The following UBR1 variants were observed in gnomAD, a reference collection of about 807,000 sequenced individuals.
UBR1 encodes the protein ubiquitin protein ligase E3 component n-recognin 1.
In UBR1, 102 loss-of-function variants were observed where a neutral mutation model predicts 242.1. That is an observed-to-expected ratio of 0.42 (90% CI 0.36 to 0.50). The LOEUF (loss-of-function observed/expected upper bound fraction) is 0.50. Ranked by LOEUF, UBR1 falls within the 20% of genes least tolerant of loss-of-function variation. The probability of loss-of-function intolerance (pLI) is 0.01; values close to 1 mark genes in which losing one functional copy is unlikely to be tolerated. For missense variants in UBR1, 1,772 were observed against 2,101.8 expected (o/e 0.84, Z 3.07); for synonymous variants, 675 against 684.8 (o/e 0.99, Z 0.22).
intron 40 of UBR1, among the ~76,000 whole-genome samples, chr15:42,967,384 A>G (rs1375486139): frequency 2.0e-5 from 3 of 151,426 alleles, no homozygotes; most frequent in Admixed American, 6.6e-5. Context: ...ATATTCTTCA[A>G]CATAAAAGTT....
At chr15:42,995,567 T>A (rs1567119000) in intron 33 of UBR1, among the ~76,000 whole-genome samples, 1 of 150,380 alleles carries the variant, frequency 6.6e-6, no homozygotes, top group East Asian at 1.9e-4. Context: ...ACTCGAGAGG[T>A]TGAGGCAGGA....
In UBR1 at chr15:42,998,132, C is replaced by T. The variant is rs781240049; in HGVS notation, c.3757+36G>A. 6.5e-6 allele frequency: 10 copies of T among 1,544,424 alleles called. No individual in the cohort carries two copies. The East Asian group carries it at 2.3e-4, about 35-fold the overall frequency. On this transcript the variant is annotated intron_variant, in intron 33 of 46. Transcript: ENST00000290650. ...AAAAAAATAAAGATTCTGACACCATCTTCACATAGCTAATATAAAATAAAT... is the reference window on the plus strand; with the variant it reads ...AAAAAAATAAAGATTCTGACACCATTTTCACATAGCTAATATAAAATAAAT...
chr15:43,067,354 T>C lies in UBR1; in HGVS notation c.798+544A>G, dbSNP rs1003557745. Among the ~76,000 whole-genome samples the C allele has an allele frequency of 7.2e-5, 11 of 152,276 alleles. No homozygotes were observed. In the South Asian group the frequency reaches 2.3e-3, roughly 32 times the overall value. On this transcript the variant is annotated intron_variant, in intron 6 of 46. Transcript: ENST00000290650. The stretch of plus-strand genomic sequence containing the variant: ...AACCATGCGGTTTTTAAAAAGTACA[T>C]TAAAAATGAAAAAATTAAATGACGA...
intron 6 of UBR1, among the ~76,000 whole-genome samples, chr15:43,061,835 A>G (rs1298643105): frequency 6.6e-6 from 1 of 152,128 alleles, no homozygotes; most frequent in African/African-American, 2.4e-5. Context: ...AAGAGGGATA[A>G]AAGACTACAA....
At chr15:42,967,695 G>A (rs2032131536) in intron 40 of UBR1, among the ~76,000 whole-genome samples, 1 of 151,520 alleles carries the variant, frequency 6.6e-6, no homozygotes, top group African/African-American at 2.4e-5. Context: ...TTAATAATAC[G>A]GGAACTGGTA....
chr15:42,949,776 G>A (rs2031799270), intron 46 of UBR1, among the ~76,000 whole-genome samples: 1 of 151,500 alleles, frequency 6.6e-6, no homozygotes, highest in African/African-American at 2.4e-5. Flanking sequence ...TGTAGCCTGG[G>A]TGAAACAGGG....
In UBR1 at chr15:42,966,153, T is replaced by C. The variant is rs2032102096; in HGVS notation, c.4591A>G (p.Asn1531Asp). 3 of 1,614,168 alleles carry C rather than the reference T, an allele frequency of 1.9e-6. No individual in the cohort carries two copies. The highest frequency in any genetic ancestry group is 1.7e-6 in the Non-Finnish European group (2 of 1,180,036). ...GVTPPEELHT[N>D]SAEGEYSALC... ...TCCATGATTTCATTTTTCTACTTACTGGTATGCAGTTCCTCAGGCGGAGTT... is the reference window on the plus strand; with the variant it reads ...TCCATGATTTCATTTTTCTACTTACCGGTATGCAGTTCCTCAGGCGGAGTT... The change falls in exon 41 of 47, where the codon AAT (asparagine) becomes GAT (aspartate). Residue 1531 changes from asparagine (N) to aspartate (D), a missense_variant and splice_region_variant. By Grantham distance (23) the Asn-to-Asp change is conservative. Around this residue, in one of 3 missense-constraint regions of UBR1, gnomAD observed 965 missense variants for 1,079.7 expected, o/e 0.89. Coordinates refer to ENST00000290650, the MANE Select transcript of UBR1 (RefSeq NM_174916.3).
At chr15:43,034,200 C>T (rs953772271) in intron 19 of UBR1, among the ~76,000 whole-genome samples, 1 of 151,588 alleles carries the variant, frequency 6.6e-6, no homozygotes, top group Non-Finnish European at 1.5e-5. Flanking sequence ...TGTGCCACTG[C>T]ACTCCAGCCT....
At chr15:43,021,428 T>C (rs1646784264) in intron 26 of UBR1, 53 bp from the exon 27 acceptor site, 2 of 1,563,538 alleles carry the variant, frequency 1.3e-6, no homozygotes, top group Non-Finnish European at 1.8e-6. Context: ...CATCTCTTGG[T>C]ATCCTCAGGG....
At chr15:43,057,956 C>G (rs1023295767) in intron 10 of UBR1, among the ~76,000 whole-genome samples, 5 of 151,098 alleles carry the variant, frequency 3.3e-5, no homozygotes. Context: ...GTTGCCCAGA[C>G]TAGAGGGCAG....
chr15:43,024,723 T>TAATGAC (rs2033156864), intron 25 of UBR1, 106 bp downstream of exon 25: 1 of 1,505,922 alleles, frequency 6.6e-7, no homozygotes, highest in Non-Finnish European at 9.2e-7. Flanking sequence ...CCCCTATGTT[T>TAATGAC]CCGGTGCTCT....
chr15:42,989,090 G>T, intron 34 of UBR1, 123 bp from the exon 35 acceptor site: 1 of 819,802 alleles, frequency 1.2e-6, no homozygotes, highest in Non-Finnish European at 1.9e-6. Context: ...ACTGCTCTTT[G>T]CCAAATTAGA....
At chr15:43,052,435 G>C (rs1157499672) in intron 12 of UBR1, among the ~76,000 whole-genome samples, 3 of 152,186 alleles carry the variant, frequency 2.0e-5, no homozygotes, top group Non-Finnish European at 2.9e-5. Flanking sequence ...TCTAATAGTT[G>C]GAAGAAGCTA....
rs558419958 is a variant in UBR1, at chr15:43,028,036, T to C, written c.2380-208A>G. On this transcript the variant is annotated intron_variant, in intron 21 of 46. Transcript: ENST00000290650. ...TAAGAGGTAAGATGTATATATAAAC[T>C]GTTTAAGAAAGGTTATCTAAGTTTG... Among the ~76,000 whole-genome samples, 25 of 152,316 alleles carry C rather than the reference T, an allele frequency of 1.6e-4. No homozygotes were observed. The South Asian group carries it at 2.3e-3, about 14-fold the overall frequency.
chr15:43,025,316 T>C (rs888427050), intron 24 of UBR1, 65 bp downstream of exon 24: 21 of 1,487,216 alleles, frequency 1.4e-5, no homozygotes, highest in African/African-American at 1.2e-4. Flanking sequence ...AAAAACTATA[T>C]GCTTTGCTGA....
chr15:43,086,785 A>T (rs558285300), intron 1 of UBR1, among the ~76,000 whole-genome samples: 1 of 152,334 alleles, frequency 6.6e-6, no homozygotes, highest in South Asian at 2.1e-4. Context: ...GGAAGCACAA[A>T]TTAAAATGAC....
chr15:43,047,317 C>T (rs763104374), intron 13 of UBR1, 28 bp from the exon 14 acceptor site: 2 of 1,613,946 alleles, frequency 1.2e-6, no homozygotes, highest in Non-Finnish European at 1.7e-6. Flanking sequence ...TCAACATACA[C>T]CTATCTGAGC....
At chr15:43,022,579 A>G in intron 26 of UBR1, 123 bp downstream of exon 26, 1 of 607,994 alleles carries the variant, frequency 1.6e-6, no homozygotes, top group Non-Finnish European at 2.8e-6. Flanking sequence ...AGGGTTACCT[A>G]TGTTTTAAGG....
intron 37 of UBR1, among the ~76,000 whole-genome samples, chr15:42,983,057 T>G (rs759351768): frequency 4.6e-5 from 7 of 152,166 alleles, no homozygotes; most frequent in Admixed American, 2.0e-4. Context: ...GAGATCACCA[T>G]ATGAACTCTT....
Sources: gnomAD v4.1 joint callset for allele counts (sites outside exome capture counted in the v4.1 genomes callset) on GRCh38, gnomAD v4.1.1 for gene constraint, gnomAD v4.1.1 regional missense constraint, MANE v1.5 for transcripts, NCBI Gene and HGNC (gene_info 2026-07-23, HGNC 2026-07-21) for gene names.